RC3H1: variants seen among roughly 807,000 people sequenced by gnomAD.
RC3H1 encodes ring finger and CCCH-type domains 1.
In RC3H1, 50 loss-of-function variants were observed where a neutral mutation model predicts 138.2. The observed-to-expected ratio is 0.36, with a 90% CI of 0.29 to 0.46. The LOEUF is 0.46. Ranked by LOEUF, RC3H1 falls within the 20% of genes least tolerant of loss-of-function variation. The pLI, the probability that RC3H1 is intolerant of heterozygous loss-of-function variation, is 1.00. For missense variants in RC3H1, 1,031 were observed against 1,388.1 expected, an observed-to-expected ratio of 0.74 and a Z score of 4.09; for synonymous variants, 462 against 489.1, an observed-to-expected ratio of 0.94 and a Z score of 0.73.
intron 7 of RC3H1, among the ~76,000 whole-genome samples, chr1:173,975,389 C>G (rs528210287): frequency 6.6e-6 from 1 of 151,704 alleles, no homozygotes. Flanking sequence ...CCACTGCACC[C>G]GGCCGAGAAA....
At chr1:174,003,121 C>T (rs1175819690) in intron 1 of RC3H1, among the ~76,000 whole-genome samples, 4 of 152,174 alleles carry the variant, frequency 2.6e-5, no homozygotes, top group Non-Finnish European at 4.4e-5. Context: ...GGCGTGGTGG[C>T]TTATGCCTGT....
At chr1:174,001,105 CT>C (rs1661558071) in intron 1 of RC3H1, among the ~76,000 whole-genome samples, 1 of 152,104 alleles carries the variant, frequency 6.6e-6, no homozygotes, top group African/African-American at 2.4e-5. Context: ...AAAAATAGAA[CT>C]TGATAAAGAA....
intron 6 of RC3H1, among the ~76,000 whole-genome samples, chr1:173,980,255 GAAAAAAAAAA>G (rs1209819661): frequency 1.3e-5 from 1 of 76,146 alleles, no homozygotes; most frequent in African/African-American, 5.2e-5. Flanking sequence ...TTAGAAATAG[GAAAAAAAAAA>G]AAAAAAAAAA....
chr1:173,959,549 T>G (rs1659779454), intron 13 of RC3H1, among the ~76,000 whole-genome samples: 1 of 152,040 alleles, frequency 6.6e-6, no homozygotes, highest in Non-Finnish European at 1.5e-5. Flanking sequence ...GACGGGCAGA[T>G]CACCTGAGGT....
At chr1:173,949,317 A>C (rs577623565) in intron 14 of RC3H1, among the ~76,000 whole-genome samples, 1 of 152,236 alleles carries the variant, frequency 6.6e-6, no homozygotes, top group East Asian at 1.9e-4. Context: ...AGAGTTAATA[A>C]GGACAAATGG....
At chr1:174,007,251 G>A (rs149617325) in intron 1 of RC3H1, among the ~76,000 whole-genome samples, 1,861 of 152,074 alleles carry the variant, frequency 0.012, 41 homozygotes, top group African/African-American at 0.041. Flanking sequence ...TTAGCCGGGC[G>A]TGGTGGCGGG....
In RC3H1 at chr1:173,980,923, G is replaced by A; in HGVS notation, c.855C>T (p.Ser285=). 1 of 1,613,994 alleles carries A rather than the reference G, an allele frequency of 6.2e-7. No individual in the cohort carries two copies. The highest frequency in any genetic ancestry group is 8.5e-7 in the Non-Finnish European group (1 of 1,179,918). The change falls in exon 6 of 20, where the codon TCC becomes TCT. Residue 285 remains serine (S), a synonymous_variant. Coordinates refer to ENST00000367696, the MANE Select transcript of RC3H1 (RefSeq NM_172071.4). ...CTTCCATAGCAATCTGCACTATCTG[G>A]GAGTCATGTTCTCGCCGCAGAGCTT... ...TYEALRREHD[S]QIVQIAMEAG...
intron 2 of RC3H1, among the ~76,000 whole-genome samples, chr1:173,987,909 A>C (rs898096148): frequency 2.6e-5 from 4 of 152,180 alleles, no homozygotes; most frequent in African/African-American, 7.2e-5. Context: ...AACTGGCTCC[A>C]ATCATTTCCC....
At chr1:173,955,219 C>A (rs1659581403) in intron 13 of RC3H1, among the ~76,000 whole-genome samples, 1 of 110,606 alleles carries the variant, frequency 9.0e-6, no homozygotes, top group Non-Finnish European at 1.8e-5. Flanking sequence ...GTGTGAAACT[C>A]TGTCACAAAA....
At chr1:174,011,476 T>C (rs1661768485) in intron 1 of RC3H1, among the ~76,000 whole-genome samples, 1 of 151,822 alleles carries the variant, frequency 6.6e-6, no homozygotes, top group Non-Finnish European at 1.5e-5. Flanking sequence ...CATTTCTAAA[T>C]GAAAGCTGAA....
chr1:173,934,425 T>C lies in RC3H1; in HGVS notation c.*4296A>G, dbSNP rs1384799546. 1 of 152,198 alleles carries C rather than the reference T, an allele frequency of 6.6e-6. No individual in the cohort carries two copies. Among genetic ancestry groups the C allele is most frequent in the Non-Finnish European group, 1.5e-5 (1 of 68,032 alleles). 9.4% of individuals were successfully genotyped at this position (152,198 alleles called of 1,614,324 possible). ...GAGAAACTGATGAATTTTCATTACT[T>C]TTACATTTTATAAGGCTAGCTAACT... is the stretch of plus-strand genomic sequence containing the variant. On this transcript the variant is annotated 3_prime_UTR_variant, in exon 20 of 20. Coordinates refer to ENST00000367696, the MANE Select transcript of RC3H1 (RefSeq NM_172071.4).
chr1:174,001,207 C>A (rs771306198), intron 1 of RC3H1, among the ~76,000 whole-genome samples: 5 of 152,098 alleles, frequency 3.3e-5, no homozygotes, highest in Non-Finnish European at 5.9e-5. Context: ...CAACCTAATA[C>A]CAGATTGAGG....
chr1:174,013,789 T>G (rs894655332), intron 1 of RC3H1, among the ~76,000 whole-genome samples: 1 of 151,412 alleles, frequency 6.6e-6, no homozygotes, highest in Non-Finnish European at 1.5e-5. Flanking sequence ...TGAAAAGACA[T>G]GAAGAGGGCC....
chr1:174,006,290 CT>C (rs1378616652), intron 1 of RC3H1, among the ~76,000 whole-genome samples: 1 of 152,138 alleles, frequency 6.6e-6, no homozygotes, highest in Non-Finnish European at 1.5e-5. Context: ...GCAAGTTATA[CT>C]TTTTTACCTA....
chr1:173,965,083 G>A lies in RC3H1; in HGVS notation c.1372C>T (p.Pro458Ser). 1.2e-6 allele frequency: 2 copies of A among 1,614,100 alleles called. No individual in the cohort carries two copies. Among genetic ancestry groups the A allele is most frequent in the African/African-American group, 1.3e-5 (1 of 75,036 alleles). Reference sequence around the variant, plus strand: ...AGTTGACCCAAAGAGGCACTCAAGGGTCTTCTCGGAACCAGGCGCTTATTC... The same window carrying A: ...AGTTGACCCAAAGAGGCACTCAAGGATCTTCTCGGAACCAGGCGCTTATTC... ...KMNKRLVPRRPLSASLGQLNE... is the reference protein window; with the variant it reads ...KMNKRLVPRRSLSASLGQLNE... Residue 458 changes from proline (P) to serine (S), a missense_variant, in exon 10 of 20, where the codon CCC becomes TCC. Physicochemically the swap from Pro to Ser is moderately conservative, Grantham distance 74. Around this residue, in one of 7 missense-constraint regions of RC3H1, gnomAD observed 716 missense variants for 837.9 expected, o/e 0.85. Transcript: ENST00000367696.
At chr1:174,017,328 G>A (rs1014885876) in intron 1 of RC3H1, among the ~76,000 whole-genome samples, 3 of 152,286 alleles carry the variant, frequency 2.0e-5, no homozygotes, top group African/African-American at 7.2e-5. Context: ...ACCCTCTGGG[G>A]TGATCAAAAC....
intron 15 of RC3H1, 129 bp from the exon 16 acceptor site, chr1:173,946,965 T>C (rs1267539333): frequency 7.7e-6 from 5 of 650,120 alleles, no homozygotes; most frequent in Non-Finnish European, 1.1e-5. Context: ...GTCCAGATTT[T>C]TAAAATTCTT....
chr1:173,942,625 G>A (rs1658937953), intron 18 of RC3H1, among the ~76,000 whole-genome samples: 1 of 151,772 alleles, frequency 6.6e-6, no homozygotes, highest in Non-Finnish European at 1.5e-5. Context: ...GAGGTCAGGA[G>A]ATCGAGACCA....
intron 1 of RC3H1, chr1:174,016,284 G>C (rs1661861347): frequency 6.6e-6 from 1 of 151,876 alleles, no homozygotes; most frequent in Non-Finnish European, 1.5e-5. Flanking sequence ...AAATTAATGA[G>C]GCATATATAA....
Sources: gnomAD v4.1 joint callset for allele counts (sites outside exome capture counted in the v4.1 genomes callset) on GRCh38, gnomAD v4.1.1 for gene constraint, gnomAD v4.1.1 regional missense constraint, MANE v1.5 for transcripts, NCBI Gene and HGNC (gene_info 2026-07-23, HGNC 2026-07-21) for gene names.